The following DCC variants were observed in gnomAD, a reference collection of about 807,000 sequenced individuals.
DCC encodes DCC netrin 1 receptor.
DCC carries 58 observed loss-of-function variants against 172.5 expected under a neutral mutation model. The observed-to-expected ratio is 0.34, with a 90% confidence interval of 0.27 to 0.42. The LOEUF (loss-of-function observed/expected upper bound fraction) is 0.42, where lower values mean the gene tolerates loss of function less well. Among genes scored for constraint, DCC ranks in the 10% least tolerant of loss-of-function variants. The pLI, the probability that DCC is intolerant of heterozygous loss-of-function variation, is 1.00. For missense variants in DCC, 1,740 were observed against 1,791.0 expected, an observed-to-expected ratio of 0.97 and a Z score of 0.51; for synonymous variants, 709 against 644.5, an observed-to-expected ratio of 1.10 and a Z score of -1.52.
chr18:53,349,486 T>C (rs1177545414), intron 15 of DCC, among the ~76,000 whole-genome samples: 1 of 152,196 alleles, frequency 6.6e-6, no homozygotes, highest in East Asian at 1.9e-4. Context: ...CATTTTCAGG[T>C]ATCTTTTCAG....
chr18:53,128,160 G>GC (rs962954837), intron 7 of DCC, among the ~76,000 whole-genome samples: 111 of 152,042 alleles, frequency 7.3e-4, no homozygotes, highest in Non-Finnish European at 5.4e-4. Context: ...TGTCTTAAAG[G>GC]CAATGGTTGC....
intron 12 of DCC, among the ~76,000 whole-genome samples, chr18:53,217,846 AT>A (rs1177845918): frequency 2.6e-5 from 4 of 151,686 alleles, no homozygotes; most frequent in East Asian, 3.9e-4. Flanking sequence ...GGGTGTTTTT[AT>A]TTTTTTTATT....
chr18:52,526,209 G>C (rs1417931752), intron 1 of DCC, among the ~76,000 whole-genome samples: 2 of 152,122 alleles, frequency 1.3e-5, no homozygotes, highest in Non-Finnish European at 2.9e-5. Context: ...TTTCTGGCAG[G>C]CCCAGTGGAG....
rs184488096 is a variant in DCC, at chr18:52,676,302, T to C, written c.92-75752T>C. On this transcript the variant is annotated intron_variant, in intron 1 of 28. Coordinates refer to ENST00000442544, the MANE Select transcript of DCC (RefSeq NM_005215.4). ...GGGTTTTGAGAGAATTAACTTGAAT[T>C]GAATGAAGTACTCGGGAAGGCATGC... Among the ~76,000 whole-genome samples the C allele has an allele frequency of 5.5e-4, 84 of 152,294 alleles. 1 individual carries two copies. Among genetic ancestry groups the C allele is most frequent in the Admixed American group, 3.3e-3 (51 of 15,288 alleles).
At chr18:52,785,814 T>C (rs2037646625) in intron 2 of DCC, among the ~76,000 whole-genome samples, 1 of 152,096 alleles carries the variant, frequency 6.6e-6, no homozygotes, top group Non-Finnish European at 1.5e-5. Flanking sequence ...CCTCATGACT[T>C]CTGCAGACCA....
At chr18:53,011,131 C>A (rs1020338467) in intron 5 of DCC, among the ~76,000 whole-genome samples, 3 of 151,234 alleles carry the variant, frequency 2.0e-5, no homozygotes, top group African/African-American at 7.3e-5. Flanking sequence ...TGACTGAAAG[C>A]AAAAACAAGA....
intron 12 of DCC, among the ~76,000 whole-genome samples, chr18:53,235,758 C>T (rs536186976): frequency 3.3e-5 from 5 of 152,216 alleles, no homozygotes; most frequent in Admixed American, 3.3e-4. Flanking sequence ...AACTCTACAC[C>T]TCTTTAACAA....
intron 1 of DCC, among the ~76,000 whole-genome samples, chr18:52,598,510 A>T (rs2033952704): frequency 6.6e-6 from 1 of 152,216 alleles, no homozygotes; most frequent in Non-Finnish European, 1.5e-5. Context: ...TTCTATAGAC[A>T]GCAAAGCTAT....
intron 1 of DCC, among the ~76,000 whole-genome samples, chr18:52,397,156 C>G (rs1051886736): frequency 6.6e-6 from 1 of 152,032 alleles, no homozygotes; most frequent in South Asian, 2.1e-4. Flanking sequence ...CAAACTTGTG[C>G]TTGCATCAAA....
At chr18:52,379,064 A>C (rs932613194) in intron 1 of DCC, among the ~76,000 whole-genome samples, 1 of 152,152 alleles carries the variant, frequency 6.6e-6, no homozygotes, top group African/African-American at 2.4e-5. Context: ...CTTGTGCCTC[A>C]TTATTAAAGC....
chr18:52,880,477 A>G lies in DCC; in HGVS notation c.413-25567A>G, dbSNP rs1007291410. Among the ~76,000 whole-genome samples the G allele has an allele frequency of 3.3e-5, 5 of 152,156 alleles. 1 individual carries two copies. In the South Asian group the frequency reaches 1.0e-3, roughly 32 times the overall value. The stretch of plus-strand genomic sequence containing the variant: ...TTCATTCTTTCTAATTATGTTTTGT[A>G]TCCCGTAACCATCCCCACTTCCCCC... On this transcript the variant is annotated intron_variant, in intron 2 of 28. Transcript: ENST00000442544.
chr18:53,422,363 C>T (rs11872522), intron 21 of DCC, among the ~76,000 whole-genome samples: 65,353 of 151,752 alleles, frequency 0.43, 15,833 homozygotes, highest in Non-Finnish European at 0.55. Flanking sequence ...TTCTCAAATA[C>T]CTTCTTCGCT....
At chr18:52,828,568 G>C (rs7229882) in intron 2 of DCC, among the ~76,000 whole-genome samples, 37,936 of 151,940 alleles carry the variant, frequency 0.25, 4,920 homozygotes, top group South Asian at 0.3. Flanking sequence ...CCTAAAAATA[G>C]TTTGATAGTC....
chr18:52,506,288 G>A (rs1359149695), intron 1 of DCC, among the ~76,000 whole-genome samples: 1 of 151,926 alleles, frequency 6.6e-6, no homozygotes, highest in South Asian at 2.1e-4. Context: ...TAATGTTCAC[G>A]ATTCAATATA....
intron 19 of DCC, among the ~76,000 whole-genome samples, chr18:53,406,564 C>T (rs1196889624): frequency 6.6e-6 from 1 of 151,820 alleles, no homozygotes; most frequent in Non-Finnish European, 1.5e-5. Flanking sequence ...ATTAGCCAGA[C>T]ATGATAGCAG....
At chr18:52,371,274 G>A (rs1206482733) in intron 1 of DCC, among the ~76,000 whole-genome samples, 1 of 152,188 alleles carries the variant, frequency 6.6e-6, no homozygotes, top group Non-Finnish European at 1.5e-5. Context: ...CTATGTTTGT[G>A]TATATGAATG....
chr18:53,402,918 A>T, intron 19 of DCC, 25 bp downstream of exon 19: 1 of 1,503,950 alleles, frequency 6.6e-7, no homozygotes, highest in South Asian at 1.1e-5. Context: ...TTTCTCTCCC[A>T]GCATAGCTCT....
intron 1 of DCC, among the ~76,000 whole-genome samples, chr18:52,558,663 C>G (rs1188392579): frequency 6.6e-6 from 1 of 152,086 alleles, no homozygotes; most frequent in African/African-American, 2.4e-5. Flanking sequence ...TATCCAAAGA[C>G]AGGCATCAGG....
intron 1 of DCC, among the ~76,000 whole-genome samples, chr18:52,583,723 G>C (rs1363383307): frequency 6.6e-6 from 1 of 152,174 alleles, no homozygotes; most frequent in East Asian, 1.9e-4. Context: ...AACTGAATAA[G>C]AGTTAACAGT....
Sources: allele counts gnomAD v4.1 joint callset (sites outside exome capture counted in the v4.1 genomes callset), GRCh38; gene constraint gnomAD v4.1.1; transcripts MANE v1.5; gene names NCBI Gene and HGNC (gene_info 2026-07-23, HGNC 2026-07-21).